The following MIS18BP1 variants were observed in gnomAD, a reference collection of about 807,000 sequenced individuals.
MIS18BP1 encodes mis18-binding protein 1.
MIS18BP1 carries 72 observed loss-of-function variants against 116.1 expected under a neutral mutation model. That is an observed-to-expected ratio of 0.62 (90% confidence interval 0.51 to 0.75). The LOEUF (loss-of-function observed/expected upper bound fraction) is 0.75. Among genes scored for constraint, MIS18BP1 ranks in the 30% least tolerant of loss-of-function variants. MIS18BP1 has a pLI of 0.00. For synonymous variants in MIS18BP1, 386 were observed against 427.0 expected (o/e 0.90, Z 1.18); for missense variants, 1,363 against 1,303.2 (o/e 1.05, Z -0.71).
At chr14:45,221,078 T>G (rs1426072022) in intron 11 of MIS18BP1, among the ~76,000 whole-genome samples, 1 of 151,800 alleles carries the variant, frequency 6.6e-6, no homozygotes, top group African/African-American at 2.4e-5. Flanking sequence ...GAGGTTGCAG[T>G]GAGCTGAGAT....
chr14:45,246,687 C>T, intron 2 of MIS18BP1, 56 bp downstream of exon 2: 1 of 1,482,910 alleles, frequency 6.7e-7, no homozygotes, highest in Non-Finnish European at 9.0e-7. Flanking sequence ...AAAACAGTGT[C>T]TGAAACATTA....
chr14:45,212,285 C>T (rs1890696663), intron 13 of MIS18BP1, among the ~76,000 whole-genome samples: 1 of 152,110 alleles, frequency 6.6e-6, no homozygotes, highest in Non-Finnish European at 1.5e-5. Context: ...CAGCTCCATC[C>T]CACTGACTAA....
Position 45,242,884 on chromosome 14 carries a change from T to C in MIS18BP1, c.545-10A>G, listed in dbSNP as rs1009487204. 2.6e-6 allele frequency: 4 copies of C among 1,542,728 alleles called. No homozygotes were observed. Among genetic ancestry groups the C allele is most frequent in the Non-Finnish European group, 2.6e-6 (3 of 1,139,218 alleles). ...ACTCCTTGGACTGAGGCTAAGGTTT[T>C]ATTTTTTAAAGAAAGAAGAAGTTGA... is the stretch of plus-strand genomic sequence containing the variant. On this transcript the variant is annotated splice_polypyrimidine_tract_variant and intron_variant, in intron 2 of 16. Coordinates refer to ENST00000310806, the MANE Select transcript of MIS18BP1 (RefSeq NM_018353.5).
chr14:45,246,777 G>A lies in MIS18BP1; in HGVS notation c.510C>T (p.Asn170=), dbSNP rs1182016530. 3.8e-6 allele frequency: 6 copies of A among 1,577,022 alleles called. No individual in the cohort carries two copies. Among genetic ancestry groups the A allele is most frequent in the South Asian group, 3.6e-5 (3 of 83,834 alleles). ...HTYLCEEKEN[N]KSFQSDDSSL... is the part of the protein sequence containing the mutation. Reference sequence around the variant, plus strand: ...AACTGTCATCTGACTGGAATGATTTGTTGTTTTCCTTTTCTTCACATAGGT... The same window carrying A: ...AACTGTCATCTGACTGGAATGATTTATTGTTTTCCTTTTCTTCACATAGGT... Residue 170 remains asparagine (N), a synonymous_variant, in exon 2 of 17, where the codon AAC becomes AAT. Coordinates refer to ENST00000310806, the MANE Select transcript of MIS18BP1 (RefSeq NM_018353.5).
In MIS18BP1 at chr14:45,242,240, T is replaced by G. The variant is rs759606021; in HGVS notation, c.937A>C (p.Thr313Pro). The G allele has an allele frequency of 1.2e-6, 2 of 1,614,140 alleles. No homozygotes were observed. The highest frequency in any genetic ancestry group is 2.2e-5 in the South Asian group (2 of 91,080). The change falls in exon 4 of 17, where the codon ACT (threonine) becomes CCT (proline). Residue 313 changes from threonine to proline, a missense_variant. Transcript: ENST00000310806. The stretch of plus-strand genomic sequence containing the variant: ...CCTTCCTTAACTTTCTGTTGCGAAG[T>G]CCCTTCTGTTGTCCTCTCACTATCA... ...VSDSERTTEG[T>P]SQQKVKEGNG...
At chr14:45,214,216 CCTG>C (rs1196677526) in intron 13 of MIS18BP1, among the ~76,000 whole-genome samples, 1 of 152,174 alleles carries the variant, frequency 6.6e-6, no homozygotes. Flanking sequence ...GTATCTGTCT[CCTG>C]CTCGTCCCTG....
Position 45,210,392 on chromosome 14 carries a change from C to A in MIS18BP1, c.3140G>T (p.Gly1047Val), listed in dbSNP as rs757906215. 2 of 1,613,578 alleles carry A rather than the reference C, an allele frequency of 1.2e-6. No homozygotes were observed. Among genetic ancestry groups the A allele is most frequent in the South Asian group, 1.1e-5 (1 of 91,040 alleles). ...CATGAATATTTACCTATTTATAGAA[C>A]CTAGCATGCCAGGACTGACATGCTG... Reference protein sequence around the residue: ...QCQHVSPGMLGSINRNDCDKY... With the variant: ...QCQHVSPGMLVSINRNDCDKY... Residue 1047 changes from glycine to valine, a missense_variant, in exon 14 of 17, where the codon GGT (glycine) becomes GTT (valine). Gly to Val is a moderately radical substitution (Grantham distance 109). Transcript: ENST00000310806.
At chr14:45,233,863 A>G (rs1891352581) in intron 6 of MIS18BP1, among the ~76,000 whole-genome samples, 1 of 152,190 alleles carries the variant, frequency 6.6e-6, no homozygotes, top group South Asian at 2.1e-4. Context: ...CAGGTGGAAA[A>G]TGAATTGGGT....
intron 13 of MIS18BP1, among the ~76,000 whole-genome samples, chr14:45,215,344 GCTCA>G (rs1171668800): frequency 6.6e-6 from 1 of 152,110 alleles, no homozygotes; most frequent in Non-Finnish European, 1.5e-5. Context: ...CTTATGTCTA[GCTCA>G]CTAACACAAC....
intron 6 of MIS18BP1, among the ~76,000 whole-genome samples, chr14:45,235,000 A>C (rs902601698): frequency 5.3e-5 from 8 of 152,104 alleles, no homozygotes; most frequent in Admixed American, 6.5e-5. Flanking sequence ...GGCAGATCAC[A>C]TGAGGTCACA....
chr14:45,237,568 G>C (rs1221546646), intron 5 of MIS18BP1, 80 bp downstream of exon 5: 2 of 1,472,272 alleles, frequency 1.4e-6, no homozygotes, highest in Non-Finnish European at 1.8e-6. Flanking sequence ...TGTGGAGGAT[G>C]CTATTTCTCA....
At position 45,232,297 on chromosome 14, in the gene MIS18BP1, G is replaced by C. The variant is rs1055910605; in HGVS notation, c.1436+436C>G. On this transcript the variant is annotated intron_variant, in intron 7 of 16. Coordinates refer to ENST00000310806, the MANE Select transcript of MIS18BP1 (RefSeq NM_018353.5). Reference sequence around the variant, plus strand: ...CCAGGTGTGGTGGCGGGCGCCTGTAGTCCCAGCTACTCGGGAGGCTGAGGC... The same window carrying C: ...CCAGGTGTGGTGGCGGGCGCCTGTACTCCCAGCTACTCGGGAGGCTGAGGC... 1.2e-4 allele frequency among the ~76,000 whole-genome samples: 18 copies of C among 151,386 alleles called. No homozygotes were observed. The East Asian group carries it at 3.3e-3, about 28-fold the overall frequency.
At chr14:45,206,341 C>T in intron 14 of MIS18BP1, 171 bp from the exon 15 acceptor site, 2 of 534,850 alleles carry the variant, frequency 3.7e-6, no homozygotes, top group African/African-American at 1.9e-5. Flanking sequence ...GGCTGGAGTG[C>T]AGTAACATGA....
At chr14:45,213,043 TTC>T (rs1890718536) in intron 13 of MIS18BP1, among the ~76,000 whole-genome samples, 1 of 152,218 alleles carries the variant, frequency 6.6e-6, no homozygotes, top group Non-Finnish European at 1.5e-5. Flanking sequence ...CTTGGTCAAA[TTC>T]TCTTTTTAAA....
intron 11 of MIS18BP1, among the ~76,000 whole-genome samples, chr14:45,222,773 C>T (rs937499581): frequency 4.6e-5 from 7 of 152,204 alleles, no homozygotes; most frequent in Admixed American, 1.3e-4. Context: ...TCTCTTTCCG[C>T]GATTTCTGGT....
At chr14:45,241,992 G>T in intron 4 of MIS18BP1, 42 bp downstream of exon 4, 2 of 1,537,412 alleles carry the variant, frequency 1.3e-6, no homozygotes, top group Non-Finnish European at 8.7e-7. Flanking sequence ...TGAAGAACGG[G>T]GTAAAAATAG....
In MIS18BP1 at chr14:45,247,431, A is replaced by G. The variant is rs1891753600; in HGVS notation, c.-91-54T>C. On this transcript the variant is annotated intron_variant, in intron 1 of 16. Transcript: ENST00000310806. ...TCATGCTTTGGTGCAGAAAATGTTT[A>G]AAGTTTATTTGCTTTCCACAACATT... 4 of 615,538 alleles carry G rather than the reference A, an allele frequency of 6.5e-6. No homozygotes were observed. In the Admixed American group the frequency reaches 1.4e-4, roughly 21 times the overall value. The allele number at this position is 615,538 out of a possible 1,614,324, so 38.1% of individuals were successfully genotyped here. A position where few individuals can be genotyped will look rare whatever the true frequency, so the allele number is the denominator to read the frequency against.
chr14:45,237,712 G>C lies in MIS18BP1; in HGVS notation c.1153C>G (p.Leu385Val). Reference protein sequence around the residue: ...NGLKKNQVVQLQEWMIKSINN... With the variant: ...NGLKKNQVVQVQEWMIKSINN... ...ATGCTTTTAATCATCCATTCCTGTAGCTGAACTACCTAATCAAGTATAAAA... is the reference window on the plus strand; with the variant it reads ...ATGCTTTTAATCATCCATTCCTGTACCTGAACTACCTAATCAAGTATAAAA... The change falls in exon 5 of 17, where the codon CTA (leucine) becomes GTA (valine). Residue 385 changes from leucine to valine, a missense_variant. Transcript: ENST00000310806. 6.2e-7 allele frequency: 1 copy of C among 1,601,050 alleles called. No individual in the cohort carries two copies.
intron 11 of MIS18BP1, among the ~76,000 whole-genome samples, chr14:45,219,907 G>A (rs1477521541): frequency 1.3e-5 from 2 of 152,062 alleles, no homozygotes; most frequent in Non-Finnish European, 2.9e-5. Flanking sequence ...TCTCCTCTAG[G>A]TTATTCCAGA....
Sources: allele counts gnomAD v4.1 joint callset (sites outside exome capture counted in the v4.1 genomes callset), GRCh38; gene constraint gnomAD v4.1.1; transcripts MANE v1.5; gene names NCBI Gene and HGNC (gene_info 2026-07-23, HGNC 2026-07-21).